Variants in MSH3 observed in about 807,000 individuals in gnomAD.
The protein encoded by MSH3 is DNA mismatch repair protein Msh3.
In MSH3, 106 loss-of-function variants were observed where a neutral mutation model predicts 123.3. The ratio of observed to expected loss-of-function variants is 0.86; its 90% CI spans 0.73 to 1.01. The LOEUF (loss-of-function observed/expected upper bound fraction) is 1.01, where lower values mean the gene tolerates loss of function less well. MSH3 is among the 50% of genes least tolerant of loss of function. The pLI, the probability that MSH3 is intolerant of heterozygous loss-of-function variation, is 0.00. For synonymous variants in MSH3, 515 were observed against 481.4 expected, an observed-to-expected ratio of 1.07 and a Z score of -0.91; for missense variants, 1,459 against 1,347.6, an observed-to-expected ratio of 1.08 and a Z score of -1.29.
At chr5:80,780,824 C>T (rs538246952) in intron 17 of MSH3, among the ~76,000 whole-genome samples, 4 of 152,224 alleles carry the variant, frequency 2.6e-5, no homozygotes, top group African/African-American at 4.8e-5. Flanking sequence ...GCCGAGATTG[C>T]GCCTCTGCAC....
chr5:80,776,958 G>A (rs1007527780), intron 16 of MSH3, among the ~76,000 whole-genome samples: 2 of 142,808 alleles, frequency 1.4e-5, no homozygotes, highest in African/African-American at 5.2e-5. Context: ...TTAAGACAGA[G>A]TCTCTTTTCG....
At chr5:80,780,836 C>G (rs1744398065) in intron 17 of MSH3, among the ~76,000 whole-genome samples, 1 of 152,160 alleles carries the variant, frequency 6.6e-6, no homozygotes, top group South Asian at 2.1e-4. Flanking sequence ...CCTCTGCACT[C>G]CAGCCTGGGC....
chr5:80,666,432 G>A (rs1421244498), intron 3 of MSH3, among the ~76,000 whole-genome samples: 5 of 151,946 alleles, frequency 3.3e-5, no homozygotes, highest in Non-Finnish European at 7.4e-5. Context: ...TCCTCCCTCA[G>A]CCAGGCTAAT....
intron 15 of MSH3, among the ~76,000 whole-genome samples, chr5:80,769,646 T>C (rs1172416498): frequency 6.6e-6 from 1 of 152,094 alleles, no homozygotes; most frequent in African/African-American, 2.4e-5. Flanking sequence ...TACTCCTATA[T>C]CTTATGTTTA....
intron 20 of MSH3, 114 bp from the exon 21 acceptor site, chr5:80,854,016 C>A: frequency 1.1e-6 from 1 of 892,538 alleles, no homozygotes; most frequent in Non-Finnish European, 1.7e-6. Context: ...CTATTATTGG[C>A]TCAAAATATA....
Position 80,772,161 on chromosome 5 carries a change from A to G in MSH3, c.2253+3158A>G, listed in dbSNP as rs537713932. 1.8e-4 allele frequency among the ~76,000 whole-genome samples: 28 copies of G among 152,254 alleles called. No individual in the cohort carries two copies. The South Asian group carries it at 2.7e-3, about 15-fold the overall frequency. On this transcript the variant is annotated intron_variant, in intron 15 of 23. Transcript: ENST00000265081. The stretch of plus-strand genomic sequence containing the variant: ...TACATTGGGGGCAGTACTGATAAGT[A>G]TTATTATTATTACTAAGGGAAAAAG...
chr5:80,726,285 A>G (rs1403704435), intron 9 of MSH3, among the ~76,000 whole-genome samples: 1 of 152,146 alleles, frequency 6.6e-6, no homozygotes, highest in East Asian at 1.9e-4. Flanking sequence ...ATCCTACTCC[A>G]TATGGAGGAA....
At chr5:80,840,129 T>A (rs1745589035) in intron 20 of MSH3, among the ~76,000 whole-genome samples, 1 of 152,224 alleles carries the variant, frequency 6.6e-6, no homozygotes, top group South Asian at 2.1e-4. Flanking sequence ...TCTCTGACAT[T>A]TATTATTACT....
At chr5:80,678,837 A>G (rs1325663031) in intron 7 of MSH3, 90 bp from the exon 8 acceptor site, 34 of 1,426,638 alleles carry the variant, frequency 2.4e-5, no homozygotes, top group Non-Finnish European at 3.0e-5. Context: ...TGAGTGTATC[A>G]TCTTTACTTT....
At chr5:80,689,444 AAT>A (rs201125405) in intron 8 of MSH3, among the ~76,000 whole-genome samples, 2,126 of 152,290 alleles carry the variant, frequency 0.014, 30 homozygotes, top group South Asian at 0.029. Flanking sequence ...TAAAGGAAAA[AAT>A]AATTCTTGCT....
intron 20 of MSH3, among the ~76,000 whole-genome samples, chr5:80,849,510 A>G (rs965994842): frequency 6.6e-6 from 1 of 152,180 alleles, no homozygotes; most frequent in African/African-American, 2.4e-5. Context: ...CATCTCTGCA[A>G]TCTAAGCGGA....
chr5:80,873,788 CT>C (rs1462908844), intron 23 of MSH3, among the ~76,000 whole-genome samples: 1 of 152,186 alleles, frequency 6.6e-6, no homozygotes. Context: ...GCTGCTGTCA[CT>C]TTAAATGCTT....
At chr5:80,812,110 T>C (rs1046433201) in intron 19 of MSH3, among the ~76,000 whole-genome samples, 1 of 152,150 alleles carries the variant, frequency 6.6e-6, no homozygotes, top group African/African-American at 2.4e-5. Context: ...TATAAAGCCA[T>C]ATGGAGCCTT....
intron 19 of MSH3, among the ~76,000 whole-genome samples, chr5:80,802,084 G>A (rs115932186): frequency 6.6e-6 from 1 of 152,110 alleles, no homozygotes; most frequent in Non-Finnish European, 1.5e-5. Flanking sequence ...GTTAGATTAA[G>A]ATTTGAAATA....
At chr5:80,799,567 CAT>C in intron 19 of MSH3, among the ~76,000 whole-genome samples, 1 of 84,634 alleles carries the variant, frequency 1.2e-5, no homozygotes, top group South Asian at 4.5e-4. Flanking sequence ...TAGAAATTAA[CAT>C]GTGACAGTTT....
intron 8 of MSH3, among the ~76,000 whole-genome samples, chr5:80,697,032 G>T (rs1277627161): frequency 6.6e-6 from 1 of 151,982 alleles, no homozygotes; most frequent in East Asian, 1.9e-4. Context: ...CCTTTTCTTG[G>T]CAAATTAACA....
At chr5:80,665,465 G>A in intron 3 of MSH3, 102 bp downstream of exon 3, 1 of 894,060 alleles carries the variant, frequency 1.1e-6, no homozygotes, top group Non-Finnish European at 1.8e-6. Context: ...TCCTAAACTT[G>A]GATGGTCTTC....
intron 23 of MSH3, 78 bp from the exon 24 acceptor site, chr5:80,875,673 T>G: frequency 1.2e-6 from 1 of 853,330 alleles, no homozygotes; most frequent in Non-Finnish European, 2.0e-6. Context: ...TGTTATAGAC[T>G]TTTCATAGCT....
chr5:80,708,320 A>G (rs6151699), intron 8 of MSH3, among the ~76,000 whole-genome samples: 1,533 of 152,240 alleles, frequency 0.01, 26 homozygotes, highest in African/African-American at 0.035. Context: ...GCATCATGAT[A>G]TGAGGCAGGG....
Sources: gnomAD v4.1 joint callset for allele counts (sites outside exome capture counted in the v4.1 genomes callset) on GRCh38, gnomAD v4.1.1 for gene constraint, MANE v1.5 for transcripts, NCBI Gene and HGNC (gene_info 2026-07-23, HGNC 2026-07-21) for gene names.